Variants in TLL2 observed in about 807,000 individuals in gnomAD.
The protein encoded by TLL2 is tolloid-like protein 2.
A neutral mutation model predicts 123.0 loss-of-function variants in TLL2; 106 were observed. That is an observed-to-expected ratio of 0.86 (90% CI 0.74 to 1.01). The LOEUF (loss-of-function observed/expected upper bound fraction) is 1.01. Ranked by LOEUF, TLL2 falls within the 50% of genes least tolerant of loss-of-function variation. The pLI is 0.00. For missense variants in TLL2, 1,332 were observed against 1,336.7 expected, an observed-to-expected ratio of 1.00 and a Z score of 0.06; for synonymous variants, 494 against 516.8, an observed-to-expected ratio of 0.96 and a Z score of 0.60.
chr10:96,450,844 C>CA (rs913266082), intron 2 of TLL2, among the ~76,000 whole-genome samples: 4 of 149,608 alleles, frequency 2.7e-5, no homozygotes, highest in East Asian at 3.9e-4. Flanking sequence ...GATTGCAAGA[C>CA]AAAAAAAAAG....
At chr10:96,397,354 A>G (rs1846352495) in intron 10 of TLL2, 52 bp from the exon 11 acceptor site, 3 of 1,469,480 alleles carry the variant, frequency 2.0e-6, no homozygotes, top group African/African-American at 1.4e-5. Context: ...GCAAGAAGGC[A>G]CTGGCTTCAG....
intron 2 of TLL2, among the ~76,000 whole-genome samples, chr10:96,474,918 A>T (rs1847222643): frequency 6.6e-6 from 1 of 152,040 alleles, no homozygotes; most frequent in Non-Finnish European, 1.5e-5. Context: ...GCATCACTTC[A>T]ATCTCTGCCT....
intron 20 of TLL2, among the ~76,000 whole-genome samples, chr10:96,369,158 G>T (rs1298938720): frequency 6.6e-6 from 1 of 152,184 alleles, no homozygotes; most frequent in East Asian, 1.9e-4. Flanking sequence ...GCCCAGTATG[G>T]GCAGTGTCCA....
chr10:96,460,950 C>T (rs555500520), intron 2 of TLL2, among the ~76,000 whole-genome samples: 2 of 152,278 alleles, frequency 1.3e-5, no homozygotes, highest in Admixed American at 6.5e-5. Flanking sequence ...CTTGGACTTC[C>T]CAGCCTCCAG....
intron 1 of TLL2, among the ~76,000 whole-genome samples, chr10:96,501,617 C>T (rs1770571305): frequency 1.3e-5 from 2 of 152,246 alleles, no homozygotes; most frequent in Middle Eastern, 3.2e-3. Flanking sequence ...GCAAAGTAAA[C>T]CAGAGTAAAT....
chr10:96,505,063 G>A (rs1328563859), intron 1 of TLL2, among the ~76,000 whole-genome samples: 3 of 152,130 alleles, frequency 2.0e-5, no homozygotes, highest in East Asian at 1.9e-4. Flanking sequence ...TACTACCTGC[G>A]ACTGGGTAAT....
chr10:96,444,371 T>C (rs2134086436), intron 3 of TLL2, among the ~76,000 whole-genome samples: 1 of 152,364 alleles, frequency 6.6e-6, no homozygotes, highest in Non-Finnish European at 1.5e-5. Context: ...TTATGATCCA[T>C]CCATATCAGT....
At chr10:96,465,806 C>T (rs1046901006) in intron 2 of TLL2, among the ~76,000 whole-genome samples, 1 of 152,182 alleles carries the variant, frequency 6.6e-6, no homozygotes, top group African/African-American at 2.4e-5. Context: ...GACTGCGGCT[C>T]ACCATGGAGT....
chr10:96,473,820 A>T (rs762975101), intron 2 of TLL2, among the ~76,000 whole-genome samples: 1 of 152,084 alleles, frequency 6.6e-6, no homozygotes, highest in Non-Finnish European at 1.5e-5. Context: ...GACTTCCTGG[A>T]CTCTTTGGGG....
intron 13 of TLL2, among the ~76,000 whole-genome samples, chr10:96,394,959 T>C (rs908476693): frequency 1.3e-5 from 2 of 152,226 alleles, no homozygotes; most frequent in Admixed American, 1.3e-4. Context: ...TTAGATCTAA[T>C]TTCCAAGTAC....
At chr10:96,377,728 C>G (rs1326283160) in intron 17 of TLL2, among the ~76,000 whole-genome samples, 2 of 152,218 alleles carry the variant, frequency 1.3e-5, no homozygotes, top group Non-Finnish European at 2.9e-5. Flanking sequence ...GGGGAGGAAA[C>G]AGCTTCGAGG....
rs755290993 is a variant in TLL2, at chr10:96,422,593, T to G, written c.773A>C (p.Asp258Ala). 1 of 1,614,210 alleles carries G rather than the reference T, an allele frequency of 6.2e-7. No homozygotes were observed. Among genetic ancestry groups the G allele is most frequent in the East Asian group, 2.2e-5 (1 of 44,880 alleles). The change falls in exon 6 of 21, where the codon GAC becomes GCC. Residue 258 changes from aspartate to alanine, a missense_variant. By Grantham distance (126) the Asp-to-Ala change is moderately radical (BLOSUM62 -2). Transcript: ENST00000357947. The stretch of plus-strand genomic sequence containing the variant: ...GATGATGGTGACATGTTGGTCTCTG[T>G]CTGGCCGGGTGTGTTCATGCCAAAA... ...VGFWHEHTRP[D>A]RDQHVTIIRE...
intron 3 of TLL2, among the ~76,000 whole-genome samples, chr10:96,433,211 G>A (rs1846762893): frequency 6.6e-6 from 1 of 152,110 alleles, no homozygotes; most frequent in Non-Finnish European, 1.5e-5. Context: ...GAGGTCACAT[G>A]GGGCCACAGA....
chr10:96,414,559 T>C lies in TLL2; in HGVS notation c.924-1243A>G, dbSNP rs113363455. On this transcript the variant is annotated intron_variant, in intron 7 of 20. Transcript: ENST00000357947. ...TGATGCCCCTTGGGTTTCTGCCCTC[T>C]CCCTCTGTCCTCTCTCTCCATATTC... is the stretch of plus-strand genomic sequence containing the variant. Among the ~76,000 whole-genome samples the C allele has an allele frequency of 4.8e-3, 736 of 152,198 alleles. 4 individuals carry two copies. The highest frequency in any genetic ancestry group is 0.017 in the African/African-American group (698 of 41,516).
At chr10:96,392,377 T>C (rs1172808574) in intron 13 of TLL2, among the ~76,000 whole-genome samples, 1 of 152,060 alleles carries the variant, frequency 6.6e-6, no homozygotes, top group Non-Finnish European at 1.5e-5. Flanking sequence ...CAGCACAGTA[T>C]GTGATATTTG....
intron 3 of TLL2, among the ~76,000 whole-genome samples, chr10:96,437,635 A>T (rs1388963756): frequency 1.3e-5 from 2 of 152,182 alleles, no homozygotes; most frequent in Non-Finnish European, 2.9e-5. Flanking sequence ...TGAATATCAT[A>T]TAAATAGAAT....
At chr10:96,423,128 CA>C (rs10577803) in intron 5 of TLL2, among the ~76,000 whole-genome samples, 71,369 of 119,458 alleles carry the variant, frequency 0.6, 19,946 homozygotes, top group East Asian at 0.68. Context: ...AACACCGTCT[CA>C]AAAAAAAAAA....
In TLL2 at chr10:96,386,051, A is replaced by G; in HGVS notation, c.2013+4T>C. The G allele has an allele frequency of 1.3e-6, 2 of 1,589,766 alleles. No homozygotes were observed. The highest frequency in any genetic ancestry group is 1.7e-6 in the Non-Finnish European group (2 of 1,167,768). ...CCCCAATCAATTAGAGCATGGAGAC[A>G]TACGTCATTGCCTTCCAGTTCAAAC... On this transcript the variant is annotated splice_donor_region_variant and intron_variant, in intron 15 of 20. Coordinates refer to ENST00000357947, the MANE Select transcript of TLL2 (RefSeq NM_012465.4).
chr10:96,458,587 CAAAAAAAAAAAAAA>C (rs55819031), intron 2 of TLL2, among the ~76,000 whole-genome samples: 1,225 of 46,072 alleles, frequency 0.027, 36 homozygotes, highest in African/African-American at 0.11. Context: ...GACTTCGTCT[CAAAAAAAAAAAAAA>C]AAAAAAAAAA....
Sources: gnomAD v4.1 joint callset for allele counts (sites outside exome capture counted in the v4.1 genomes callset) on GRCh38, gnomAD v4.1.1 for gene constraint, MANE v1.5 for transcripts, NCBI Gene and HGNC (gene_info 2026-07-23, HGNC 2026-07-21) for gene names.